ZMYND8: variants seen among roughly 807,000 people sequenced by gnomAD.
ZMYND8 encodes zinc finger MYND-type containing 8, also known as MYND-type zinc finger-containing chromatin reader ZMYND8.
A neutral mutation model predicts 140.8 loss-of-function variants in ZMYND8; 37 were observed. That is an observed-to-expected ratio of 0.26 (90% CI 0.20 to 0.35). The LOEUF (loss-of-function observed/expected upper bound fraction) is 0.35. ZMYND8 is among the 10% of genes least tolerant of loss of function. The pLI, the probability that ZMYND8 is intolerant of heterozygous loss-of-function variation, is 1.00. For missense variants in ZMYND8, 1,068 were observed against 1,570.0 expected (o/e 0.68, Z 5.40); for synonymous variants, 592 against 597.1 (o/e 0.99, Z 0.12).
rs531444044 is a variant in ZMYND8, at chr20:47,232,448, C to T, written c.2857-2642G>A. Among the ~76,000 whole-genome samples, 143 of 152,102 alleles carry T rather than the reference C, an allele frequency of 9.4e-4. 1 individual carries two copies. The highest frequency in any genetic ancestry group is 3.2e-3 in the African/African-American group (132 of 41,472). On this transcript the variant is annotated intron_variant, in intron 16 of 22. Transcript: ENST00000471951. ...AGCTGGGGTCCTGAAGACCCAGCTA[C>T]CTGGGGAAGCCAAGGTGGGAGGGTC...
chr20:47,211,508 G>C (rs1344599093), intron 22 of ZMYND8, among the ~76,000 whole-genome samples: 2 of 152,198 alleles, frequency 1.3e-5, no homozygotes, highest in Non-Finnish European at 2.9e-5. Context: ...ATAAGACCTA[G>C]GATGGCTTCA....
chr20:47,224,746 T>A (rs976536306), intron 18 of ZMYND8, among the ~76,000 whole-genome samples, 190 bp from the exon 19 acceptor site: 2 of 152,206 alleles, frequency 1.3e-5, no homozygotes, highest in Non-Finnish European at 2.9e-5. Flanking sequence ...GGTGACCAGA[T>A]GGTGCTGCCT....
chr20:47,233,103 T>C (rs2038758603), intron 16 of ZMYND8, among the ~76,000 whole-genome samples: 1 of 152,006 alleles, frequency 6.6e-6, no homozygotes, highest in East Asian at 1.9e-4. Context: ...GACGGGGTTC[T>C]GCCATGTTGG....
intron 21 of ZMYND8, among the ~76,000 whole-genome samples, chr20:47,215,030 C>T (rs960633097): frequency 2.0e-5 from 3 of 152,086 alleles, no homozygotes; most frequent in African/African-American, 7.2e-5. Context: ...AGGCCAGCCT[C>T]GGCAACAAGG....
intron 21 of ZMYND8, among the ~76,000 whole-genome samples, chr20:47,218,365 T>TG (rs1467361272): frequency 1.3e-5 from 2 of 152,208 alleles, no homozygotes; most frequent in Non-Finnish European, 2.9e-5. Context: ...TTCCCTAACT[T>TG]GGACCTTCCT....
intron 21 of ZMYND8, among the ~76,000 whole-genome samples, chr20:47,217,987 T>C (rs2036367322): frequency 6.6e-6 from 1 of 152,146 alleles, no homozygotes; most frequent in African/African-American, 2.4e-5. Flanking sequence ...CAATGCCTGT[T>C]TTTGCAATTC....
chr20:47,325,294 A>C (rs1428257299), intron 2 of ZMYND8, among the ~76,000 whole-genome samples: 1 of 152,146 alleles, frequency 6.6e-6, no homozygotes, highest in Non-Finnish European at 1.5e-5. Context: ...GCTCAATCTC[A>C]GCTTGTCCAT....
chr20:47,253,181 C>T (rs2074325006), intron 12 of ZMYND8, among the ~76,000 whole-genome samples: 1 of 152,208 alleles, frequency 6.6e-6, no homozygotes, highest in African/African-American at 2.4e-5. Flanking sequence ...AGGCCTGAGC[C>T]CCATCCTCAG....
intron 4 of ZMYND8, among the ~76,000 whole-genome samples, chr20:47,295,289 A>G (rs2077569066): frequency 6.6e-6 from 1 of 152,218 alleles, no homozygotes; most frequent in African/African-American, 2.4e-5. Context: ...GCTACTTGGT[A>G]GGCTGAGGTG....
At chr20:47,292,688 A>G (rs1479534103) in intron 5 of ZMYND8, among the ~76,000 whole-genome samples, 2 of 152,116 alleles carry the variant, frequency 1.3e-5, no homozygotes, top group Admixed American at 1.3e-4. Context: ...AGTTGTACAA[A>G]GGGTCACCAC....
At chr20:47,356,373 G>A in intron 1 of ZMYND8, 1 of 1,479,570 alleles carries the variant, frequency 6.8e-7, no homozygotes, top group Non-Finnish European at 8.9e-7. Flanking sequence ...CTTCTTTTTT[G>A]GCATACCAGG....
At chr20:47,257,907 G>C (rs2074873134) in intron 12 of ZMYND8, among the ~76,000 whole-genome samples, 1 of 152,090 alleles carries the variant, frequency 6.6e-6, no homozygotes, top group South Asian at 2.1e-4. Flanking sequence ...ACCCAGGCTG[G>C]AGTGCAGTGA....
At chr20:47,222,603 C>T (rs2037145725) in intron 19 of ZMYND8, among the ~76,000 whole-genome samples, 1 of 151,974 alleles carries the variant, frequency 6.6e-6, no homozygotes, top group South Asian at 2.1e-4. Flanking sequence ...GTAATTATGT[C>T]ACAAAAAAAG....
At chr20:47,241,210 G>A (rs762614971) in intron 14 of ZMYND8, among the ~76,000 whole-genome samples, 2 of 148,542 alleles carry the variant, frequency 1.3e-5, no homozygotes, top group African/African-American at 2.5e-5. Context: ...CAGGAGAATC[G>A]CTTGAACCCA....
At chr20:47,232,485 G>C (rs953528704) in intron 16 of ZMYND8, among the ~76,000 whole-genome samples, 3 of 151,942 alleles carry the variant, frequency 2.0e-5, no homozygotes, top group African/African-American at 7.3e-5. Flanking sequence ...CTTGAACCCA[G>C]GAGTGGCCAG....
chr20:47,233,205 C>CTTTTTT (rs1174729822), intron 16 of ZMYND8, among the ~76,000 whole-genome samples: 11 of 91,362 alleles, frequency 1.2e-4, no homozygotes, highest in African/African-American at 4.0e-4. Context: ...CCGCACCAGG[C>CTTTTTT]TTTTTTTTTT....
At chr20:47,288,586 G>T (rs898822205) in intron 7 of ZMYND8, among the ~76,000 whole-genome samples, 3 of 151,762 alleles carry the variant, frequency 2.0e-5, no homozygotes, top group African/African-American at 7.3e-5. Context: ...TAGAGACAGG[G>T]TTTCACCATG....
In ZMYND8 at chr20:47,319,054, G is replaced by A. The variant is rs752578300; in HGVS notation, c.86-8850C>T. On this transcript the variant is annotated intron_variant, in intron 2 of 22. Coordinates refer to ENST00000471951, the MANE Select transcript of ZMYND8 (RefSeq NM_001281775.3). ...ACATTCCTGCTTCCGGATCCTCAGC[G>A]GCCTCTCCCAGGGGGAGGAGGAAGA... 21 of 1,348,104 alleles carry A rather than the reference G, an allele frequency of 1.6e-5. No homozygotes were observed. The East Asian group carries it at 2.7e-4, about 18-fold the overall frequency. 83.5% of individuals were successfully genotyped at this position (1,348,104 alleles called of 1,614,324 possible).
At chr20:47,224,286 C>G (rs1179079655) in intron 19 of ZMYND8, 31 bp downstream of exon 19, 2 of 1,612,142 alleles carry the variant, frequency 1.2e-6, no homozygotes, top group Non-Finnish European at 1.7e-6. Flanking sequence ...CACTGCAGCC[C>G]AGGACGGGAG....
Sources: gnomAD v4.1 joint callset for allele counts (sites outside exome capture counted in the v4.1 genomes callset) on GRCh38, gnomAD v4.1.1 for gene constraint, MANE v1.5 for transcripts, NCBI Gene and HGNC (gene_info 2026-07-23, HGNC 2026-07-21) for gene names.